Variants in FAM149B1 observed in about 807,000 individuals in gnomAD.
FAM149B1 encodes family with sequence similarity 149 member B1, also known as primary cilium assembly protein FAM149B1.
A neutral mutation model predicts 75.3 loss-of-function variants in FAM149B1; 56 were observed. That is an observed-to-expected ratio of 0.74 (90% CI 0.60 to 0.93). The LOEUF (loss-of-function observed/expected upper bound fraction) is 0.93. Ranked by LOEUF, FAM149B1 falls within the 40% of genes least tolerant of loss-of-function variation. The pLI is 0.00. For synonymous variants in FAM149B1, 259 were observed against 256.1 expected (o/e 1.01, Z -0.11); for missense variants, 639 against 708.4 (o/e 0.90, Z 1.11).
At chr10:73,203,399 T>C (rs912497854) in intron 5 of FAM149B1, among the ~76,000 whole-genome samples, 8 of 152,352 alleles carry the variant, frequency 5.3e-5, no homozygotes, top group African/African-American at 1.9e-4. Flanking sequence ...AGAATGGATA[T>C]TGAGGGGCAT....
chr10:73,238,442 A>G (rs1440098366), intron 12 of FAM149B1, among the ~76,000 whole-genome samples: 2 of 152,224 alleles, frequency 1.3e-5, no homozygotes, highest in Admixed American at 6.5e-5. Context: ...GGGGCCAGTA[A>G]ACTACAGTTC....
chr10:73,197,474 AAAG>A (rs2042832470), intron 5 of FAM149B1, among the ~76,000 whole-genome samples: 1 of 152,226 alleles, frequency 6.6e-6, no homozygotes, highest in South Asian at 2.1e-4. Context: ...AAACACACAA[AAAG>A]AAGAAATTCC....
chr10:73,227,153 T>G (rs905930705), intron 7 of FAM149B1, among the ~76,000 whole-genome samples: 1 of 152,246 alleles, frequency 6.6e-6, no homozygotes, highest in Non-Finnish European at 1.5e-5. Context: ...AGTGGGGCCA[T>G]CACAGCTCAC....
chr10:73,215,081 C>T (rs572321557), intron 7 of FAM149B1, among the ~76,000 whole-genome samples: 39 of 152,180 alleles, frequency 2.6e-4, no homozygotes, highest in African/African-American at 8.9e-4. Flanking sequence ...GGCATGATCT[C>T]GGCTCACTGC....
chr10:73,235,394 C>G, intron 12 of FAM149B1, 76 bp downstream of exon 12: 1 of 1,534,818 alleles, frequency 6.5e-7, no homozygotes, highest in Non-Finnish European at 8.8e-7. Context: ...GTTTGGCAGA[C>G]TTAAGATTTT....
intron 13 of FAM149B1, 29 bp downstream of exon 13, chr10:73,239,413 C>T (rs2043894453): frequency 6.6e-7 from 1 of 1,522,870 alleles, no homozygotes; most frequent in Non-Finnish European, 8.9e-7. Context: ...CCCTTATTTA[C>T]TACTGTGTGG....
At chr10:73,191,625 C>T (rs780963442) in intron 3 of FAM149B1, among the ~76,000 whole-genome samples, 6 of 151,988 alleles carry the variant, frequency 3.9e-5, no homozygotes, top group Non-Finnish European at 8.8e-5. Context: ...AGGTGTGAGC[C>T]ACTGTGCCTG....
Position 73,208,610 on chromosome 10 carries a change from C to T in FAM149B1, c.543-9C>T, listed in dbSNP as rs2043118885. On this transcript the variant is annotated splice_polypyrimidine_tract_variant and intron_variant, in intron 5 of 13. Coordinates refer to ENST00000242505, the MANE Select transcript of FAM149B1 (RefSeq NM_173348.2). ...ATAATTAATATTTACTTCTTTTTTC[C>T]ACTCCAAGATTTGGTATAAGGGGAA... 1 of 1,476,740 alleles carries T rather than the reference C, an allele frequency of 6.8e-7. No individual in the cohort carries two copies. The highest frequency in any genetic ancestry group is 9.1e-7 in the Non-Finnish European group (1 of 1,102,866). The allele number at this position is 1,476,740 out of a possible 1,614,324, so 91.5% of individuals were successfully genotyped here.
intron 1 of FAM149B1, among the ~76,000 whole-genome samples, chr10:73,170,855 C>T (rs1843681197): frequency 6.6e-6 from 1 of 151,940 alleles, no homozygotes; most frequent in African/African-American, 2.4e-5. Context: ...TAAAAATCTG[C>T]TTTTATGATT....
At chr10:73,171,492 T>C (rs1843712453) in intron 1 of FAM149B1, among the ~76,000 whole-genome samples, 1 of 152,190 alleles carries the variant, frequency 6.6e-6, no homozygotes. Flanking sequence ...ATTTTCAACA[T>C]ACAGCTTAAC....
rs2043158183 is a variant in FAM149B1 at position 73,210,265 on chromosome 10, A to G, written c.725A>G (p.His242Arg). 6.5e-7 allele frequency: 1 copy of G among 1,549,910 alleles called. No individual in the cohort carries two copies. Reference protein sequence around the residue: ...FDHIDIEEGFHGKKSEAATEK... With the variant: ...FDHIDIEEGFRGKKSEAATEK... Reference sequence around the variant, plus strand: ...TTCTGTTACAGAGAAGAGGGATTTCATGGGAAGAAATCAGAAGCAGCTACA... The same window carrying G: ...TTCTGTTACAGAGAAGAGGGATTTCGTGGGAAGAAATCAGAAGCAGCTACA... Residue 242 changes from histidine to arginine, a missense_variant, in exon 7 of 14, where the codon CAT becomes CGT. By Grantham distance (29) the His-to-Arg change is conservative. Transcript: ENST00000242505.
At chr10:73,209,259 G>A (rs1265930963) in intron 6 of FAM149B1, among the ~76,000 whole-genome samples, 1 of 152,096 alleles carries the variant, frequency 6.6e-6, no homozygotes, top group Non-Finnish European at 1.5e-5. Context: ...GACTAGCCTG[G>A]CCAACATGGT....
chr10:73,192,665 G>T lies in FAM149B1; in HGVS notation c.392G>T (p.Cys131Phe). 1 of 1,549,670 alleles carries T rather than the reference G, an allele frequency of 6.5e-7. No homozygotes were observed. Among genetic ancestry groups the T allele is most frequent in the Non-Finnish European group, 8.7e-7 (1 of 1,146,656 alleles). ...CATACCAAGAGTCTACAAGAAGAGT[G>T]CCAACAGTGGACAGCTAGCTTTCCT... ...SVHTKSLQEE[C>F]QQWTASFPHL... The change falls in exon 4 of 14, where the codon TGC becomes TTC. Residue 131 changes from cysteine to phenylalanine, a missense_variant. Transcript: ENST00000242505.
At chr10:73,220,375 T>A (rs1300933540) in intron 7 of FAM149B1, among the ~76,000 whole-genome samples, 2 of 152,130 alleles carry the variant, frequency 1.3e-5, no homozygotes, top group Non-Finnish European at 2.9e-5. Flanking sequence ...CCTCAGAATG[T>A]TAAACACAAA....
intron 9 of FAM149B1, 52 bp from the exon 10 acceptor site, chr10:73,232,887 T>C (rs1263811162): frequency 9.0e-7 from 1 of 1,107,298 alleles, no homozygotes; most frequent in Non-Finnish European, 1.3e-6. Flanking sequence ...AGTCTTGTCT[T>C]CCTTGACATA....
chr10:73,193,616 A>G (rs1282141828), intron 5 of FAM149B1, 23 bp downstream of exon 5: 6 of 1,546,888 alleles, frequency 3.9e-6, no homozygotes, highest in Non-Finnish European at 2.6e-6. Flanking sequence ...TTATGTAAGT[A>G]CTTCAATGTG....
chr10:73,222,709 CT>C (rs1178470170), intron 7 of FAM149B1, among the ~76,000 whole-genome samples: 1 of 152,124 alleles, frequency 6.6e-6, no homozygotes, highest in Non-Finnish European at 1.5e-5. Flanking sequence ...TCAGGGTTTA[CT>C]GACTTTCATT....
At chr10:73,235,552 T>A in intron 12 of FAM149B1, 4 of 893,628 alleles carry the variant, frequency 4.5e-6, no homozygotes, top group Non-Finnish European at 6.3e-6. Flanking sequence ...ATTTAACACT[T>A]AAGATATGTC....
chr10:73,218,900 T>C (rs1272195425), intron 7 of FAM149B1, among the ~76,000 whole-genome samples: 1 of 152,148 alleles, frequency 6.6e-6, no homozygotes, highest in Non-Finnish European at 1.5e-5. Flanking sequence ...AGAAAAAACT[T>C]AGGCCTCACT....
Sources: allele counts gnomAD v4.1 joint callset (sites outside exome capture counted in the v4.1 genomes callset), GRCh38; gene constraint gnomAD v4.1.1; transcripts MANE v1.5; gene names NCBI Gene and HGNC (gene_info 2026-07-23, HGNC 2026-07-21).